The following HSPA12A variants were observed in gnomAD, a reference collection of about 807,000 sequenced individuals.
HSPA12A encodes heat shock 70 kDa protein 12A.
A neutral mutation model predicts 69.2 loss-of-function variants in HSPA12A; 28 were observed. The ratio of observed to expected loss-of-function variants is 0.40; its 90% CI spans 0.30 to 0.55. HSPA12A has a LOEUF of 0.55. HSPA12A is among the 20% of genes least tolerant of loss of function. The probability of loss-of-function intolerance (pLI) is 0.38; values close to 1 mark genes in which losing one functional copy is unlikely to be tolerated. For synonymous variants in HSPA12A, 345 were observed against 370.5 expected (o/e 0.93, Z 0.79); for missense variants, 686 against 900.7 (o/e 0.76, Z 3.05).
At chr10:116,728,378 G>C (rs1851044682) in intron 1 of HSPA12A, among the ~76,000 whole-genome samples, 1 of 152,192 alleles carries the variant, frequency 6.6e-6, no homozygotes. Context: ...GTAAGTCAAG[G>C]AGCATCTGTA....
intron 2 of HSPA12A, among the ~76,000 whole-genome samples, chr10:116,819,782 T>C (rs1195113266): frequency 6.6e-6 from 1 of 152,220 alleles, no homozygotes; most frequent in Non-Finnish European, 1.5e-5. Context: ...ATGCAACTTC[T>C]AAGGGAATCT....
At chr10:116,801,184 G>A (rs1251964773) in intron 2 of HSPA12A, among the ~76,000 whole-genome samples, 1 of 152,166 alleles carries the variant, frequency 6.6e-6, no homozygotes, top group Non-Finnish European at 1.5e-5. Flanking sequence ...ACAAACATGT[G>A]CATAATGGCT....
At chr10:116,684,873 G>A in intron 6 of HSPA12A, among the ~76,000 whole-genome samples, 1 of 152,094 alleles carries the variant, frequency 6.6e-6, no homozygotes, top group East Asian at 1.9e-4. Context: ...TGGGCCTTCA[G>A]AAGGGCCAGC....
At chr10:116,757,407 G>A (rs1184237984) in intron 2 of HSPA12A, among the ~76,000 whole-genome samples, 2 of 152,150 alleles carry the variant, frequency 1.3e-5, no homozygotes, top group East Asian at 1.9e-4. Context: ...CATGTAGGGC[G>A]ACGCTGAGTG....
At chr10:116,679,404 G>T in intron 10 of HSPA12A, 99 bp downstream of exon 10, 1 of 1,455,886 alleles carries the variant, frequency 6.9e-7, no homozygotes, top group Non-Finnish European at 9.4e-7. Flanking sequence ...CAGCAAGTGT[G>T]TAGGATTGGA....
intron 2 of HSPA12A, among the ~76,000 whole-genome samples, chr10:116,764,577 C>A (rs1466685030): frequency 6.6e-6 from 1 of 152,026 alleles, no homozygotes; most frequent in Non-Finnish European, 1.5e-5. Flanking sequence ...AACACAACAG[C>A]CATACACTAG....
Position 116,707,153 on chromosome 10 carries a change from GCACACACACA to G in HSPA12A, c.126+37_126+46del, listed in dbSNP as rs59728190. On this transcript the variant is annotated intron_variant, in intron 2 of 11. Coordinates refer to ENST00000369209, the MANE Select transcript of HSPA12A (RefSeq NM_025015.3). The stretch of plus-strand genomic sequence containing the variant: ...CGTGTGCTCATGCGCACCCATGCGC[GCACACACACA>G]CACACACACACACACACACACACAC... 142 of 583,444 alleles carry G rather than the reference GCACACACACA, an allele frequency of 2.4e-4. 1 individual carries two copies. Among genetic ancestry groups the G allele is most frequent in the East Asian group, 9.3e-4 (30 of 32,258 alleles). The allele number at this position is 583,444 out of a possible 1,614,324, so 36.1% of individuals were successfully genotyped here. A position where few individuals can be genotyped will look rare whatever the true frequency, so the allele number is the denominator to read the frequency against.
chr10:116,847,778 A>ATGGGTTAT lies in HSPA12A; in HGVS notation c.3+1780_3+1787dup, dbSNP rs569248152. Reference sequence around the variant, plus strand: ...CGCTGTCCTCCTGGAACTGAGGCAAATGGGTTATAGGGTTATAGGGGGAGA... The same window carrying ATGGGTTAT: ...CGCTGTCCTCCTGGAACTGAGGCAAATGGGTTATTGGGTTATAGGGTTATAGGGGGAGA... On this transcript the variant is annotated intron_variant, in intron 1 of 12. Transcript: ENST00000635765. Among the ~76,000 whole-genome samples the ATGGGTTAT allele has an allele frequency of 8.7e-4, 132 of 152,328 alleles. 2 individuals are homozygous for ATGGGTTAT. The South Asian group carries it at 0.026, about 30-fold the overall frequency.
chr10:116,732,372 T>C (rs1851191055), intron 1 of HSPA12A, among the ~76,000 whole-genome samples: 1 of 120,808 alleles, frequency 8.3e-6, no homozygotes, highest in Non-Finnish European at 2.0e-5. Context: ...GAAAGAAAAC[T>C]GCCATGTTCC....
intron 1 of HSPA12A, among the ~76,000 whole-genome samples, chr10:116,731,910 G>C (rs937053565): frequency 3.3e-5 from 5 of 152,142 alleles, no homozygotes. Flanking sequence ...CAGACCTCCT[G>C]TGTATCAGAA....
In HSPA12A at chr10:116,827,493, G is replaced by A. The variant is rs1845530091; in HGVS notation, c.91+7442C>T. On this transcript the variant is annotated intron_variant, in intron 2 of 12. Transcript: ENST00000635765. ...AGGTGTCGGTGCTACCTCTCCTGCT[G>A]GTACAGACACCGCCAGTGCTGGTGC... The A allele has an allele frequency of 2.6e-5, 4 of 152,356 alleles. No homozygotes were observed. In the South Asian group the frequency reaches 8.3e-4, roughly 32 times the overall value. The allele number at this position is 152,356 out of a possible 1,614,324, so 9.4% of individuals were successfully genotyped here.
chr10:116,758,549 T>G (rs1293558978), intron 2 of HSPA12A, among the ~76,000 whole-genome samples: 1 of 152,118 alleles, frequency 6.6e-6, no homozygotes, highest in Non-Finnish European at 1.5e-5. Flanking sequence ...AAGTCATGGG[T>G]TACAGGAATA....
intron 2 of HSPA12A, among the ~76,000 whole-genome samples, chr10:116,785,210 G>A (rs1159072843): frequency 1.4e-5 from 2 of 142,368 alleles, no homozygotes; most frequent in Admixed American, 6.9e-5. Flanking sequence ...CCCACCCACC[G>A]CCACCATCAT....
chr10:116,805,745 A>C (rs943686024), intron 2 of HSPA12A, among the ~76,000 whole-genome samples: 2 of 152,242 alleles, frequency 1.3e-5, no homozygotes, highest in Non-Finnish European at 2.9e-5. Context: ...AAACATTGCA[A>C]TCTTTCCAAT....
intron 2 of HSPA12A, among the ~76,000 whole-genome samples, chr10:116,758,648 T>C (rs1249894537): frequency 6.6e-6 from 1 of 152,126 alleles, no homozygotes; most frequent in Non-Finnish European, 1.5e-5. Flanking sequence ...ACATGTGTGA[T>C]TGTGTGTGCA....
At chr10:116,738,855 A>G (rs1253318470) in intron 1 of HSPA12A, among the ~76,000 whole-genome samples, 2 of 152,184 alleles carry the variant, frequency 1.3e-5, no homozygotes, top group African/African-American at 4.8e-5. Context: ...AGGCTCTGGG[A>G]AACACAAGAC....
intron 6 of HSPA12A, among the ~76,000 whole-genome samples, chr10:116,689,421 G>C (rs2132932702): frequency 6.6e-6 from 1 of 152,172 alleles, no homozygotes; most frequent in South Asian, 2.1e-4. Flanking sequence ...ATGCACTTTG[G>C]GTAGAAGGGT....
At chr10:116,803,804 T>C (rs1187846191) in intron 2 of HSPA12A, among the ~76,000 whole-genome samples, 1 of 152,248 alleles carries the variant, frequency 6.6e-6, no homozygotes, top group Non-Finnish European at 1.5e-5. Flanking sequence ...CCGTCTTCTC[T>C]GACTGCGTGA....
intron 5 of HSPA12A, chr10:116,698,298 G>A: frequency 4.6e-6 from 1 of 216,514 alleles, no homozygotes; most frequent in Non-Finnish European, 9.2e-6. Context: ...ATTTCTCTTA[G>A]GGATTTCATT....
Sources: gnomAD v4.1 joint callset for allele counts (sites outside exome capture counted in the v4.1 genomes callset) on GRCh38, gnomAD v4.1.1 for gene constraint, MANE v1.5 for transcripts, NCBI Gene and HGNC (gene_info 2026-07-23, HGNC 2026-07-21) for gene names.